The following JMJD1C variants were observed in gnomAD, a reference collection of about 807,000 sequenced individuals.
JMJD1C encodes the protein jumonji domain containing 1C.
In JMJD1C, 31 loss-of-function variants were observed where a neutral mutation model predicts 245.3. The ratio of observed to expected loss-of-function variants is 0.13; its 90% CI spans 0.09 to 0.17. The LOEUF (loss-of-function observed/expected upper bound fraction) is 0.17. JMJD1C is among the 10% of genes least tolerant of loss of function. JMJD1C has a pLI of 1.00. For synonymous variants in JMJD1C, 1,057 were observed against 1,017.4 expected (o/e 1.04, Z -0.74); for missense variants, 2,691 against 3,000.2 (o/e 0.90, Z 2.41).
chr10:63,442,961 A>C (rs1951479253), intron 1 of JMJD1C, among the ~76,000 whole-genome samples: 1 of 152,148 alleles, frequency 6.6e-6, no homozygotes, highest in Non-Finnish European at 1.5e-5. Context: ...CAGAGTTAGC[A>C]TCAGACTCCA....
chr10:63,230,776 C>G (rs374931137), intron 3 of JMJD1C, among the ~76,000 whole-genome samples: 92 of 150,868 alleles, frequency 6.1e-4, no homozygotes, highest in Non-Finnish European at 1.2e-3. Flanking sequence ...CTGTCCCCCC[C>G]CCCAAAAAAA....
intron 1 of JMJD1C, among the ~76,000 whole-genome samples, chr10:63,500,724 G>A (rs957030055): frequency 2.1e-5 from 3 of 143,120 alleles, no homozygotes; most frequent in African/African-American, 5.5e-5. Flanking sequence ...AGACTGTCTC[G>A]ATGGATGGAT....
chr10:63,436,484 A>AC (rs775559425), intron 1 of JMJD1C, among the ~76,000 whole-genome samples: 2 of 152,168 alleles, frequency 1.3e-5, no homozygotes, highest in African/African-American at 2.4e-5. Flanking sequence ...AAAAATCAGT[A>AC]CCTTGAAATC....
intron 1 of JMJD1C, among the ~76,000 whole-genome samples, chr10:63,421,661 C>A (rs1376459725): frequency 6.6e-6 from 1 of 152,046 alleles, no homozygotes; most frequent in East Asian, 1.9e-4. Context: ...GCAGATAGGA[C>A]CTTTAAGGAG....
chr10:63,444,933 A>G (rs1054831148), intron 1 of JMJD1C, among the ~76,000 whole-genome samples: 1 of 152,224 alleles, frequency 6.6e-6, no homozygotes, highest in Non-Finnish European at 1.5e-5. Flanking sequence ...TATGACAGAA[A>G]TAAGAGACAA....
At chr10:63,302,930 A>T (rs1180672245) in intron 2 of JMJD1C, among the ~76,000 whole-genome samples, 1 of 148,166 alleles carries the variant, frequency 6.7e-6, no homozygotes, top group African/African-American at 2.6e-5. Context: ...TCTGAGACAG[A>T]GTCTTACTCT....
intron 1 of JMJD1C, among the ~76,000 whole-genome samples, chr10:63,462,400 C>CAA (rs1208516434): frequency 1.3e-5 from 2 of 152,036 alleles, no homozygotes; most frequent in Admixed American, 1.3e-4. Context: ...TCATATTGTA[C>CAA]AAGAAATATG....
chr10:63,419,380 C>CT (rs1280302275), intron 1 of JMJD1C, among the ~76,000 whole-genome samples: 2 of 151,684 alleles, frequency 1.3e-5, no homozygotes, highest in Non-Finnish European at 2.9e-5. Flanking sequence ...GAGCAAGACT[C>CT]TGTCTCGAAA....
intron 3 of JMJD1C, among the ~76,000 whole-genome samples, chr10:63,241,673 A>C (rs9414780): frequency 0.86 from 130,775 of 152,152 alleles, 56,907 homozygotes; most frequent in African/African-American, 0.96. Flanking sequence ...ATTTTCTGTT[A>C]CAACTGACAC....
chr10:63,204,485 C>G, intron 10 of JMJD1C: 1 of 985,202 alleles, frequency 1.0e-6, no homozygotes, highest in Non-Finnish European at 1.2e-6. Flanking sequence ...TGGAAGGTAC[C>G]TATCTTTTGT....
At chr10:63,193,293 T>G in intron 15 of JMJD1C, 52 bp downstream of exon 15, 2 of 1,530,008 alleles carry the variant, frequency 1.3e-6, no homozygotes, top group Non-Finnish European at 1.8e-6. Flanking sequence ...AATATCAAAG[T>G]TGACTAATTT....
intron 1 of JMJD1C, among the ~76,000 whole-genome samples, chr10:63,484,187 G>GGGATGGATGGATGGATGGATGGAT (rs375305760): frequency 5.5e-4 from 80 of 144,920 alleles, no homozygotes; most frequent in African/African-American, 1.9e-3. Context: ...CCAGCACCTT[G>GGGATGGATGGATGGATGGATGGAT]GGATGGATGG....
At position 63,497,584 on chromosome 10, in the gene JMJD1C, G is replaced by A. The variant is rs142620744; in HGVS notation, n.113+24154C>T. 4.9e-4 allele frequency among the ~76,000 whole-genome samples: 75 copies of A among 152,340 alleles called. No individual in the cohort carries two copies. In the East Asian group the frequency reaches 0.013, roughly 26 times the overall value. ...TGTGGTAATGGTTGCACAGCTCTGT[G>A]AACATGCTAAAAACCATACAACTGT... is the stretch of plus-strand genomic sequence containing the variant. On this transcript the variant is annotated intron_variant and non_coding_transcript_variant, in intron 1 of 3. Coordinates refer to the JMJD1C transcript ENST00000633035.
At chr10:63,286,703 A>AT (rs1858021688) in intron 2 of JMJD1C, among the ~76,000 whole-genome samples, 1 of 152,180 alleles carries the variant, frequency 6.6e-6, no homozygotes, top group Non-Finnish European at 1.5e-5. Context: ...GTAAGAGAAT[A>AT]AGCTCTTTGG....
At chr10:63,244,741 G>A (rs994768038) in intron 3 of JMJD1C, among the ~76,000 whole-genome samples, 1 of 144,014 alleles carries the variant, frequency 6.9e-6, no homozygotes, top group Admixed American at 7.4e-5. Flanking sequence ...GACTGAGGCT[G>A]CAGTGAGCTA....
chr10:63,210,031 A>C (rs1348274139), intron 8 of JMJD1C, among the ~76,000 whole-genome samples: 1 of 152,204 alleles, frequency 6.6e-6, no homozygotes, highest in Non-Finnish European at 1.5e-5. Context: ...AACAAAGGGA[A>C]TACGTTTTAC....
intron 2 of JMJD1C, among the ~76,000 whole-genome samples, chr10:63,343,736 TA>T (rs938964517): frequency 6.6e-6 from 1 of 152,018 alleles, no homozygotes; most frequent in Non-Finnish European, 1.5e-5. Flanking sequence ...CAATTATTTT[TA>T]AAAAAAATTA....
intron 1 of JMJD1C, among the ~76,000 whole-genome samples, chr10:63,404,367 T>A (rs1949049478): frequency 6.6e-6 from 1 of 152,204 alleles, no homozygotes; most frequent in South Asian, 2.1e-4. Context: ...CTAATATTTT[T>A]AATCTTGGCT....
intron 2 of JMJD1C, among the ~76,000 whole-genome samples, chr10:63,326,774 G>C (rs1241654813): frequency 1.3e-5 from 2 of 152,186 alleles, no homozygotes; most frequent in Non-Finnish European, 2.9e-5. Flanking sequence ...AGCTAATCGG[G>C]ATGCTGAGGC....
Sources: allele counts gnomAD v4.1 joint callset (sites outside exome capture counted in the v4.1 genomes callset), GRCh38; gene constraint gnomAD v4.1.1; transcripts MANE v1.5; gene names NCBI Gene and HGNC (gene_info 2026-07-23, HGNC 2026-07-21).